PRKAR1A: variants seen among roughly 807,000 people sequenced by gnomAD.
PRKAR1A encodes the protein cAMP-dependent protein kinase type I-alpha regulatory subunit.
PRKAR1A carries 3 observed loss-of-function variants against 52.0 expected under a neutral mutation model. The observed-to-expected ratio is 0.06, with a 90% confidence interval of 0.03 to 0.15. PRKAR1A has a LOEUF of 0.15. PRKAR1A is among the 10% of genes least tolerant of loss of function. The probability of loss-of-function intolerance (pLI) is 1.00; values close to 1 mark genes in which losing one functional copy is unlikely to be tolerated. For missense variants in PRKAR1A, 240 were observed against 477.4 expected, an observed-to-expected ratio of 0.50 and a Z score of 4.63; for synonymous variants, 188 against 168.4, an observed-to-expected ratio of 1.12 and a Z score of -0.90.
At chr17:68,467,064 G>A in the PRKAR1A span, among the ~76,000 whole-genome samples, 2 of 152,154 alleles carry the variant, frequency 1.3e-5, no homozygotes, top group Admixed American at 1.3e-4. Flanking sequence ...TGTTTTCAAG[G>A]TTCATCCACG....
At chr17:68,437,079 C>A in the PRKAR1A span, among the ~76,000 whole-genome samples, 2 of 150,360 alleles carry the variant, frequency 1.3e-5, no homozygotes, top group South Asian at 4.2e-4. Context: ...GACTCTGAAA[C>A]AGCATCTACT....
At chr17:68,503,334 C>G in the PRKAR1A span, among the ~76,000 whole-genome samples, 152 of 152,260 alleles carry the variant, frequency 1.0e-3, no homozygotes, top group African/African-American at 3.6e-3. Context: ...GCAAAAGGTA[C>G]TTTTGCCATG....
chr17:68,516,449 A>G (rs2085436096), intron 2 of PRKAR1A, among the ~76,000 whole-genome samples: 1 of 152,140 alleles, frequency 6.6e-6, no homozygotes. Context: ...CATAATGATT[A>G]TGAATTAATT....
chr17:68,461,962 G>A, the PRKAR1A span, among the ~76,000 whole-genome samples: 1 of 152,186 alleles, frequency 6.6e-6, no homozygotes, highest in Non-Finnish European at 1.5e-5. The surrounding 1 kb of genome is among the most constrained non-coding windows in gnomAD (Gnocchi z 4.6). Context: ...TAGACAGTGT[G>A]TGTGAGATAG....
chr17:68,443,857 T>A, the PRKAR1A span, among the ~76,000 whole-genome samples: 5 of 152,234 alleles, frequency 3.3e-5, no homozygotes, highest in Non-Finnish European at 7.3e-5. Context: ...CACCACACAA[T>A]GAAGGAATTC....
At chr17:68,457,434 CCGGG>C in the PRKAR1A span, 28 of 417,062 alleles carry the variant, frequency 6.7e-5, 1 homozygote, top group South Asian at 1.1e-3. Flanking sequence ...GGGGCTCGGC[CCGGG>C]AAGCCGCAGC....
downstream of PRKAR1A, chr17:68,537,451 T>C (rs144712764): frequency 8.6e-5 from 139 of 1,613,946 alleles, 1 homozygote; most frequent in African/African-American, 1.7e-3. This position sits in a 1 kb window ranked among gnomAD's most constrained non-coding sequence, Gnocchi z 4.2. Context: ...CCAGGCGTAT[T>C]TTCTGAAACT....
At chr17:68,443,084 G>C in the PRKAR1A span, among the ~76,000 whole-genome samples, 1 of 152,114 alleles carries the variant, frequency 6.6e-6, no homozygotes, top group Non-Finnish European at 1.5e-5. Flanking sequence ...CAATGGCTTT[G>C]TTCTTTTATT....
chr17:68,537,423 G>C, downstream of PRKAR1A: 2 of 1,611,330 alleles, frequency 1.2e-6, no homozygotes, highest in Non-Finnish European at 1.7e-6. The surrounding 1 kb of genome is among the most constrained non-coding windows in gnomAD (Gnocchi z 4.2). Flanking sequence ...GTCGGCACTC[G>C]AGTCGACTGC....
At chr17:68,436,478 A>T in the PRKAR1A span, 2 of 1,613,740 alleles carry the variant, frequency 1.2e-6, no homozygotes, top group Non-Finnish European at 1.7e-6. Flanking sequence ...GAGCACATAG[A>T]CCTGGCAAAG....
In PRKAR1A at chr17:68,533,127, T is replaced by A. The variant is rs539193793; in HGVS notation, c.*2678T>A. 2 of 1,062,360 alleles carry A rather than the reference T, an allele frequency of 1.9e-6. No homozygotes were observed. The highest frequency in any genetic ancestry group is 1.0e-4 in the East Asian group (2 of 19,902). The allele number at this position is 1,062,360 out of a possible 1,614,324, so 65.8% of individuals were successfully genotyped here. On this transcript the variant is annotated 3_prime_UTR_variant, in exon 11 of 11. Coordinates refer to ENST00000589228, the MANE Select transcript of PRKAR1A (RefSeq NM_002734.5). Reference sequence around the variant, plus strand: ...AGATTAGCATACTCTTTGGTTTAAATTTAATATATACATTTAATGTTACTT... The same window carrying A: ...AGATTAGCATACTCTTTGGTTTAAAATTAATATATACATTTAATGTTACTT...
At chr17:68,530,213 T>A in intron 10 of PRKAR1A, 64 bp from the exon 11 acceptor site, 1 of 1,575,394 alleles carries the variant, frequency 6.3e-7, no homozygotes, top group African/African-American at 1.4e-5. Context: ...TTCTCAGAAG[T>A]GCACTGCTTT....
the PRKAR1A span, among the ~76,000 whole-genome samples, chr17:68,425,119 G>T: frequency 6.6e-6 from 1 of 152,120 alleles, no homozygotes; most frequent in Admixed American, 6.5e-5. Flanking sequence ...GTGGGAACAG[G>T]CTGAGCAGGT....
the PRKAR1A span, chr17:68,430,111 T>C: frequency 1.9e-6 from 3 of 1,613,974 alleles, no homozygotes; most frequent in African/African-American, 2.7e-5. Context: ...GTAGCAGCCA[T>C]AAACATCTTT....
chr17:68,497,833 G>A, the PRKAR1A span, among the ~76,000 whole-genome samples: 1 of 152,126 alleles, frequency 6.6e-6, no homozygotes, highest in Non-Finnish European at 1.5e-5. Context: ...CGAAAGACAA[G>A]ACACATAGAC....
chr17:68,549,170 C>T (rs982159645), intron 11 of PRKAR1A, among the ~76,000 whole-genome samples: 2 of 152,200 alleles, frequency 1.3e-5, no homozygotes, highest in Non-Finnish European at 2.9e-5. Context: ...TGGAGCTCAT[C>T]CATTGCATAT....
chr17:68,435,962 G>A, the PRKAR1A span, among the ~76,000 whole-genome samples: 3 of 152,374 alleles, frequency 2.0e-5, no homozygotes, highest in African/African-American at 7.2e-5. Flanking sequence ...AGCACCTGAT[G>A]CAGTGTGATG....
intron 11 of PRKAR1A, chr17:68,542,699 G>A (rs2086360616): frequency 6.2e-7 from 1 of 1,612,606 alleles, no homozygotes; most frequent in African/African-American, 1.3e-5. Flanking sequence ...TCTACCTGGA[G>A]AGACAAAGAA....
At chr17:68,497,763 T>C in the PRKAR1A span, among the ~76,000 whole-genome samples, 1 of 152,210 alleles carries the variant, frequency 6.6e-6, no homozygotes, top group East Asian at 1.9e-4. Flanking sequence ...AGGGGCAAGC[T>C]AGAACCCAGG....
Sources: gnomAD v4.1 joint callset for allele counts (sites outside exome capture counted in the v4.1 genomes callset) on GRCh38, gnomAD v4.1.1 for gene constraint, Gnocchi (gnomAD v3.1) non-coding constraint, MANE v1.5 for transcripts, NCBI Gene and HGNC (gene_info 2026-07-23, HGNC 2026-07-21) for gene names.